JAKMIP1: variants seen among roughly 807,000 people sequenced by gnomAD.
JAKMIP1 encodes janus kinase and microtubule interacting protein 1, also known as janus kinase and microtubule-interacting protein 1.
In JAKMIP1, 33 loss-of-function variants were observed where a neutral mutation model predicts 113.0. That is an observed-to-expected ratio of 0.29 (90% CI 0.22 to 0.39). The LOEUF is 0.39. JAKMIP1 is among the 10% of genes least tolerant of loss of function. JAKMIP1 has a pLI of 1.00. For synonymous variants in JAKMIP1, 480 were observed against 459.9 expected, an observed-to-expected ratio of 1.04 and a Z score of -0.56; for missense variants, 813 against 1,080.5, an observed-to-expected ratio of 0.75 and a Z score of 3.47.
At chr4:6,105,404 CGCATT>C in intron 3 of JAKMIP1, 64 bp downstream of exon 3, 1 of 1,444,434 alleles carries the variant, frequency 6.9e-7, no homozygotes, top group South Asian at 1.3e-5. Context: ...CTCGGAGCTC[CGCATT>C]TCCCCCATGC....
Position 6,139,077 on chromosome 4 carries a change from C to T in JAKMIP1, c.-147-26080G>A, listed in dbSNP as rs6817842. On this transcript the variant is annotated intron_variant, in intron 1 of 20. Transcript: ENST00000409021. This position sits in a 1 kb window ranked among gnomAD's most constrained non-coding sequence, Gnocchi z 5.2. ...AGAAACACACACACACACACACACA[C>T]ACACACATATACACACACACACACA... Among the ~76,000 whole-genome samples, 2 of 140,454 alleles carry T rather than the reference C, an allele frequency of 1.4e-5. No individual in the cohort carries two copies. Among genetic ancestry groups the T allele is most frequent in the Admixed American group, 6.8e-5 (1 of 14,770 alleles). The allele number at this position is 140,454 out of a possible 152,430, so 92.1% of individuals were successfully genotyped here. A position where few individuals can be genotyped will look rare whatever the true frequency, so the allele number is the denominator to read the frequency against.
rs1410656442 is a variant in JAKMIP1, at chr4:6,093,325, G to A, written c.625-7696C>T. ...TGTAAGCGCTTTGCTGCCTGGAATCGTGTCTTATTTTTCTCTATAACTCAG... is the reference window on the plus strand; with the variant it reads ...TGTAAGCGCTTTGCTGCCTGGAATCATGTCTTATTTTTCTCTATAACTCAG... On this transcript the variant is annotated intron_variant, in intron 3 of 20. Coordinates refer to ENST00000409021, the MANE Select transcript of JAKMIP1 (RefSeq NM_001099433.2). The surrounding 1 kb of genome is among the most constrained non-coding windows in gnomAD (Gnocchi z 4.6). Among the ~76,000 whole-genome samples, 1 of 152,132 alleles carries A rather than the reference G, an allele frequency of 6.6e-6. No homozygotes were observed. Among genetic ancestry groups the A allele is most frequent in the Non-Finnish European group, 1.5e-5 (1 of 68,030 alleles).
chr4:6,061,576 C>A lies in JAKMIP1; in HGVS notation c.1560+736G>T, dbSNP rs1259315083. ...CGAGAAACCTGGCCTCGACTCCCAG[C>A]TCTGTTCAGCATCATCTGGGTATTT... On this transcript the variant is annotated intron_variant, in intron 10 of 20. Coordinates refer to ENST00000409021, the MANE Select transcript of JAKMIP1 (RefSeq NM_001099433.2). The surrounding 1 kb of genome is among the most constrained non-coding windows in gnomAD (Gnocchi z 5.3). 6.6e-6 allele frequency among the ~76,000 whole-genome samples: 1 copy of A among 152,152 alleles called. No individual in the cohort carries two copies. The highest frequency in any genetic ancestry group is 1.5e-5 in the Non-Finnish European group (1 of 68,038).
chr4:6,039,363 AC>A (rs898154158), intron 18 of JAKMIP1, among the ~76,000 whole-genome samples: 2 of 152,032 alleles, frequency 1.3e-5, no homozygotes, highest in Admixed American at 6.5e-5. Context: ...GCCTCAACTC[AC>A]CCTTTAGCAC....
intron 8 of JAKMIP1, among the ~76,000 whole-genome samples, chr4:6,075,384 C>T (rs893767872): frequency 2.6e-5 from 4 of 152,164 alleles, no homozygotes; most frequent in African/African-American, 9.7e-5. Flanking sequence ...ATTACAAAAC[C>T]TGCTTGGGCC....
chr4:6,163,811 T>G lies in JAKMIP1; in HGVS notation c.-148+36442A>C, dbSNP rs760554763. Among the ~76,000 whole-genome samples, 25 of 152,002 alleles carry G rather than the reference T, an allele frequency of 1.6e-4. No homozygotes were observed. In the East Asian group the frequency reaches 4.2e-3, roughly 26 times the overall value. On this transcript the variant is annotated intron_variant, in intron 1 of 20. Coordinates refer to ENST00000409021, the MANE Select transcript of JAKMIP1 (RefSeq NM_001099433.2). ...ATTGCTGATATGGAGAAAATTGGAG[T>G]GGTCAGGGTAGAAGATCAAACCAGT...
At chr4:6,114,298 T>C (rs114814983) in intron 1 of JAKMIP1, among the ~76,000 whole-genome samples, 2,483 of 152,116 alleles carry the variant, frequency 0.016, 66 homozygotes, top group African/African-American at 0.057. Flanking sequence ...CAGAAGATGG[T>C]GTGTCTAGAA....
At chr4:6,078,207 C>T (rs1271259853) in intron 8 of JAKMIP1, among the ~76,000 whole-genome samples, 2 of 151,600 alleles carry the variant, frequency 1.3e-5, no homozygotes, top group Non-Finnish European at 2.9e-5. Context: ...CCCAGCTACT[C>T]GGGAGGCTGA....
At chr4:6,073,954 T>C (rs1315191317) in intron 8 of JAKMIP1, among the ~76,000 whole-genome samples, 1 of 152,250 alleles carries the variant, frequency 6.6e-6, no homozygotes, top group African/African-American at 2.4e-5. Context: ...TACTGCCACA[T>C]GGCCAGAGGC....
rs1719518020 is a variant in JAKMIP1 at position 6,138,062 on chromosome 4, ACT to A, written c.-147-25067_-147-25066del. Among the ~76,000 whole-genome samples, 1 of 151,724 alleles carries A rather than the reference ACT, an allele frequency of 6.6e-6. No homozygotes were observed. On this transcript the variant is annotated intron_variant, in intron 1 of 20. Transcript: ENST00000409021. This position sits in a 1 kb window ranked among gnomAD's most constrained non-coding sequence, Gnocchi z 6.0. ...CCCGAGAGGCCAGCTCTGGGGTGAC[ACT>A]CTGGGGGTCAAGCCTAAGCCCAGAC...
Position 6,192,164 on chromosome 4 carries a change from C to T in JAKMIP1, c.-148+8089G>A, listed in dbSNP as rs903358657. On this transcript the variant is annotated intron_variant, in intron 1 of 20. Transcript: ENST00000409021. The surrounding 1 kb of genome is among the most constrained non-coding windows in gnomAD (Gnocchi z 5.0). ...GCCAGGCTGGTCTTGAACTCCTGAC[C>T]TCAGGTGATCCACCCTCCTCAGCCT... Among the ~76,000 whole-genome samples, 3 of 152,026 alleles carry T rather than the reference C, an allele frequency of 2.0e-5. No homozygotes were observed. The highest frequency in any genetic ancestry group is 6.6e-5 in the Admixed American group (1 of 15,260).
intron 8 of JAKMIP1, among the ~76,000 whole-genome samples, chr4:6,071,080 C>A (rs761197512): frequency 6.6e-6 from 1 of 152,242 alleles, no homozygotes; most frequent in Non-Finnish European, 1.5e-5. Flanking sequence ...TAGCAAAGTT[C>A]ATGTATGTTT....
At chr4:6,126,753 C>T (rs978194877) in intron 1 of JAKMIP1, among the ~76,000 whole-genome samples, 1 of 151,340 alleles carries the variant, frequency 6.6e-6, no homozygotes, top group Admixed American at 6.6e-5. Flanking sequence ...GGCAGAAACA[C>T]ACAACACATG....
intron 1 of JAKMIP1, among the ~76,000 whole-genome samples, chr4:6,172,746 G>A (rs1390974366): frequency 2.6e-5 from 4 of 152,214 alleles, no homozygotes; most frequent in African/African-American, 9.6e-5. Context: ...TCACCTGCAA[G>A]CTCAGCTCAT....
chr4:6,051,747 G>T lies in JAKMIP1; in HGVS notation c.1807-1068C>A, dbSNP rs1189481927. ...ATACATAAATGACAAGGTTTTAAAAGGTCGGGAAAACCTAATTACTTACAG... is the reference window on the plus strand; with the variant it reads ...ATACATAAATGACAAGGTTTTAAAATGTCGGGAAAACCTAATTACTTACAG... On this transcript the variant is annotated intron_variant, in intron 13 of 20. Transcript: ENST00000409021. This position sits in a 1 kb window ranked among gnomAD's most constrained non-coding sequence, Gnocchi z 5.0. Among the ~76,000 whole-genome samples the T allele has an allele frequency of 6.6e-6, 1 of 152,214 alleles. No individual in the cohort carries two copies. Among genetic ancestry groups the T allele is most frequent in the Non-Finnish European group, 1.5e-5 (1 of 68,038 alleles).
At chr4:6,148,213 G>C (rs946058874) in intron 1 of JAKMIP1, among the ~76,000 whole-genome samples, 2 of 152,246 alleles carry the variant, frequency 1.3e-5, no homozygotes, top group Non-Finnish European at 2.9e-5. Flanking sequence ...ATAGCAGCTG[G>C]AGTGGACTGA....
Position 6,129,485 on chromosome 4 carries a change from A to G in JAKMIP1, c.-147-16488T>C, listed in dbSNP as rs954548935. Among the ~76,000 whole-genome samples, 3 of 151,868 alleles carry G rather than the reference A, an allele frequency of 2.0e-5. No individual in the cohort carries two copies. Among genetic ancestry groups the G allele is most frequent in the African/African-American group, 7.3e-5 (3 of 41,320 alleles). On this transcript the variant is annotated intron_variant, in intron 1 of 20. Coordinates refer to ENST00000409021, the MANE Select transcript of JAKMIP1 (RefSeq NM_001099433.2). This position sits in a 1 kb window ranked among gnomAD's most constrained non-coding sequence, Gnocchi z 5.4. ...TTGAAGTCGACTGGTTAAACACATC[A>G]CCCCATTATCTGTTCAGCACAAGTT...
In JAKMIP1 at chr4:6,080,824, G is replaced by T. The variant is rs1720406793; in HGVS notation, c.1102-512C>A. The stretch of plus-strand genomic sequence containing the variant: ...CACCTTGTCCTGTGCTGGAAGAGGG[G>T]ACAGGGCAGACCAAAGCCAAGCCCA... On this transcript the variant is annotated intron_variant, in intron 6 of 20. Transcript: ENST00000409021. This position sits in a 1 kb window ranked among gnomAD's most constrained non-coding sequence, Gnocchi z 6.0. Among the ~76,000 whole-genome samples, 2 of 152,134 alleles carry T rather than the reference G, an allele frequency of 1.3e-5. No homozygotes were observed. Among genetic ancestry groups the T allele is most frequent in the Admixed American group, 6.5e-5 (1 of 15,276 alleles).
At chr4:6,056,654 A>T in intron 12 of JAKMIP1, 43 bp downstream of exon 12, 1 of 1,537,080 alleles carries the variant, frequency 6.5e-7, no homozygotes, top group South Asian at 1.1e-5. Context: ...CGGGGTCCCA[A>T]CTGCCCTGCG....
Sources: allele counts gnomAD v4.1 joint callset (sites outside exome capture counted in the v4.1 genomes callset), GRCh38; gene constraint gnomAD v4.1.1; non-coding constraint Gnocchi (gnomAD v3.1); transcripts MANE v1.5; gene names NCBI Gene and HGNC (gene_info 2026-07-23, HGNC 2026-07-21).